The following CHRNB3 variants were observed in gnomAD, a reference collection of about 807,000 sequenced individuals.
The protein encoded by CHRNB3 is neuronal acetylcholine receptor subunit beta-3.
CHRNB3 carries 37 observed loss-of-function variants against 40.6 expected under a neutral mutation model. The ratio of observed to expected loss-of-function variants is 0.91; its 90% CI spans 0.70 to 1.20. The LOEUF (loss-of-function observed/expected upper bound fraction) is 1.20, where lower values mean the gene tolerates loss of function less well. Ranked by LOEUF, CHRNB3 falls within the 50% of genes most tolerant of loss-of-function variation. The pLI is 0.00. For synonymous variants in CHRNB3, 207 were observed against 207.1 expected (o/e 1.00, Z 0.00); for missense variants, 505 against 551.2 (o/e 0.92, Z 0.84).
chr8:42,716,887 G>GC (rs1157406461), intron 3 of CHRNB3, among the ~76,000 whole-genome samples: 2 of 152,074 alleles, frequency 1.3e-5, no homozygotes, highest in Admixed American at 1.3e-4. Flanking sequence ...CTTCACTGTA[G>GC]CTGAGACAGT....
chr8:42,712,850 C>A (rs1035081205), intron 3 of CHRNB3, among the ~76,000 whole-genome samples: 5 of 147,242 alleles, frequency 3.4e-5, no homozygotes, highest in African/African-American at 1.2e-4. Context: ...CTCCTTCCCC[C>A]ACTGCTCTCT....
chr8:42,707,728 T>C (rs1815941720), intron 1 of CHRNB3, among the ~76,000 whole-genome samples: 1 of 152,132 alleles, frequency 6.6e-6, no homozygotes, highest in South Asian at 2.1e-4. Flanking sequence ...GAGTGTGACA[T>C]CCTGGCTGCT....
At chr8:42,720,393 C>T (rs1181136995) in intron 3 of CHRNB3, among the ~76,000 whole-genome samples, 1 of 151,968 alleles carries the variant, frequency 6.6e-6, no homozygotes, top group Non-Finnish European at 1.5e-5. Context: ...GAATTACAGG[C>T]ATGAGCCACC....
At chr8:42,720,370 T>A (rs1172099189) in intron 3 of CHRNB3, among the ~76,000 whole-genome samples, 1 of 151,954 alleles carries the variant, frequency 6.6e-6, no homozygotes, top group Non-Finnish European at 1.5e-5. Context: ...CGCCTTGGCC[T>A]CCCAAAGTGC....
chr8:42,707,843 T>C (rs1448780554), intron 1 of CHRNB3, among the ~76,000 whole-genome samples: 1 of 152,180 alleles, frequency 6.6e-6, no homozygotes, highest in African/African-American at 2.4e-5. Context: ...GACTCTGACA[T>C]CTACTAACAC....
At chr8:42,722,467 G>A (rs909842264) in intron 3 of CHRNB3, among the ~76,000 whole-genome samples, 5 of 152,148 alleles carry the variant, frequency 3.3e-5, no homozygotes, top group East Asian at 1.9e-4. Flanking sequence ...TCCCTGTGGC[G>A]CATTCCTCAT....
At chr8:42,722,513 A>G (rs1310806547) in intron 3 of CHRNB3, among the ~76,000 whole-genome samples, 1 of 152,074 alleles carries the variant, frequency 6.6e-6, no homozygotes, top group Non-Finnish European at 1.5e-5. Context: ...CGGCACTTGG[A>G]CACAGTACAG....
intron 1 of CHRNB3, among the ~76,000 whole-genome samples, chr8:42,702,198 T>C (rs1376314660): frequency 6.6e-6 from 1 of 152,194 alleles, no homozygotes; most frequent in Non-Finnish European, 1.5e-5. Flanking sequence ...GCCTCCGAAC[T>C]GAAGCCTTCA....
chr8:42,716,975 G>C (rs62518160), intron 3 of CHRNB3, among the ~76,000 whole-genome samples: 3 of 152,188 alleles, frequency 2.0e-5, no homozygotes, highest in South Asian at 4.2e-4. Context: ...TCTTAAAGTA[G>C]CAGTGTCTTT....
At chr8:42,712,477 A>G (rs1816033017) in intron 3 of CHRNB3, among the ~76,000 whole-genome samples, 1 of 152,216 alleles carries the variant, frequency 6.6e-6, no homozygotes, top group Non-Finnish European at 1.5e-5. Context: ...TTAGAGAACT[A>G]TCATGATTTT....
At chr8:42,708,612 A>AC in intron 1 of CHRNB3, 105 bp from the exon 2 acceptor site, 2 of 1,292,504 alleles carry the variant, frequency 1.5e-6, no homozygotes, top group Non-Finnish European at 2.2e-6. Context: ...TTAGAAACAG[A>AC]CACAGCCTAT....
At chr8:42,710,458 G>A (rs1025986532) in intron 3 of CHRNB3, 24 bp downstream of exon 3, 1 of 1,585,720 alleles carries the variant, frequency 6.3e-7, no homozygotes, top group Admixed American at 1.7e-5. Flanking sequence ...CAAGGATTGT[G>A]TCTGCTAACC....
At chr8:42,700,417 A>G (rs1815770444) in intron 1 of CHRNB3, among the ~76,000 whole-genome samples, 3 of 151,518 alleles carry the variant, frequency 2.0e-5, no homozygotes, top group Admixed American at 2.0e-4. Context: ...TGCCTCCTGG[A>G]TTGAAGGGAT....
chr8:42,705,704 A>C (rs1815910062), intron 1 of CHRNB3: 1 of 152,268 alleles, frequency 6.6e-6, no homozygotes, highest in Non-Finnish European at 1.5e-5. Context: ...AGTGCCTTTC[A>C]AACAATATTC....
intron 3 of CHRNB3, among the ~76,000 whole-genome samples, chr8:42,727,349 G>T (rs1169487965): frequency 1.3e-5 from 2 of 150,150 alleles, no homozygotes; most frequent in Non-Finnish European, 3.0e-5. Context: ...CTCCAGCCTG[G>T]GCGATAGAGT....
At chr8:42,732,928 A>C (rs896037053) in intron 5 of CHRNB3, among the ~76,000 whole-genome samples, 8 of 152,224 alleles carry the variant, frequency 5.3e-5, no homozygotes, top group Admixed American at 6.5e-5. Flanking sequence ...GTATTTAGAA[A>C]TAAAAGATCA....
At chr8:42,734,026 G>A (rs143360261) in intron 5 of CHRNB3, among the ~76,000 whole-genome samples, 6,523 of 151,190 alleles carry the variant, frequency 0.043, 217 homozygotes, top group Non-Finnish European at 0.067. Flanking sequence ...GGGAGGCCAA[G>A]GTGAGTGGAT....
chr8:42,711,252 G>A (rs1047613641), intron 3 of CHRNB3, among the ~76,000 whole-genome samples: 1 of 152,100 alleles, frequency 6.6e-6, no homozygotes, highest in Admixed American at 6.5e-5. Context: ...AGAGGCTGCA[G>A]TGAGCCAAGA....
At chr8:42,708,600 G>A in intron 1 of CHRNB3, 117 bp from the exon 2 acceptor site, 1 of 1,188,866 alleles carries the variant, frequency 8.4e-7, no homozygotes, top group Non-Finnish European at 1.2e-6. Context: ...GAACTGGGCT[G>A]TTTAGAAACA....
Sources: allele counts gnomAD v4.1 joint callset (sites outside exome capture counted in the v4.1 genomes callset), GRCh38; gene constraint gnomAD v4.1.1; transcripts MANE v1.5; gene names NCBI Gene and HGNC (gene_info 2026-07-23, HGNC 2026-07-21).